The following CSMD1 variants were observed in gnomAD, a reference collection of about 807,000 sequenced individuals.
CSMD1 encodes the protein CUB and Sushi multiple domains 1.
A neutral mutation model predicts 417.5 loss-of-function variants in CSMD1; 213 were observed. The observed-to-expected ratio is 0.51, with a 90% CI of 0.46 to 0.57. The LOEUF is 0.57. Among genes scored for constraint, CSMD1 ranks in the 20% least tolerant of loss-of-function variants. CSMD1 has a pLI of 0.00. For synonymous variants in CSMD1, 2,862 were observed against 1,736.8 expected (o/e 1.65, Z -16.11); for missense variants, 6,923 against 4,529.7 (o/e 1.53, Z -15.17).
At chr8:3,115,596 T>C (rs1422000045) in intron 42 of CSMD1, among the ~76,000 whole-genome samples, 2 of 152,238 alleles carry the variant, frequency 1.3e-5, no homozygotes, top group Admixed American at 6.5e-5. Context: ...CAGATAACTT[T>C]CAGAGACATA....
rs947955953 is a variant in CSMD1, at chr8:3,718,761, G to A, written c.932-10270C>T. Among the ~76,000 whole-genome samples the A allele has an allele frequency of 4.6e-5, 7 of 152,190 alleles. No homozygotes were observed. The East Asian group carries it at 1.2e-3, about 25-fold the overall frequency. On this transcript the variant is annotated intron_variant, in intron 6 of 69. Transcript: ENST00000635120. ...AAAGGCAATTAACTATTCATCTCAC[G>A]TTTCCTTACCAAATCAGGGACCCCA...
rs577388812 is a variant in CSMD1 at position 3,777,952 on chromosome 8, T to C, written c.819-23910A>G. On this transcript the variant is annotated intron_variant, in intron 5 of 69. Coordinates refer to ENST00000635120, the MANE Select transcript of CSMD1 (RefSeq NM_033225.6). ...TGAAGGGCAGAGTCTCAGTTCCCAC[T>C]CCAGACCTGCAGCCTCCTTGAAGTG... 3.8e-3 allele frequency among the ~76,000 whole-genome samples: 578 copies of C among 151,462 alleles called. 1 individual carries two copies. The highest frequency in any genetic ancestry group is 0.031 in the Middle Eastern group (9 of 292).
chr8:3,286,191 G>A (rs990750530), intron 25 of CSMD1, among the ~76,000 whole-genome samples: 17 of 152,098 alleles, frequency 1.1e-4, no homozygotes, highest in South Asian at 4.1e-4. Flanking sequence ...ATTCCATGGC[G>A]TATATGTGCT....
At chr8:3,967,864 C>T (rs1162439516) in intron 5 of CSMD1, among the ~76,000 whole-genome samples, 3 of 151,914 alleles carry the variant, frequency 2.0e-5, no homozygotes, top group South Asian at 2.1e-4. Flanking sequence ...TTCCCTTGCT[C>T]GCTTAAGAAT....
chr8:4,726,003 A>G lies in CSMD1; in HGVS notation c.86-88445T>C, dbSNP rs181365132. Among the ~76,000 whole-genome samples the G allele has an allele frequency of 2.8e-3, 424 of 152,276 alleles. 2 individuals carry two copies. The highest frequency in any genetic ancestry group is 9.3e-3 in the African/African-American group (386 of 41,556). On this transcript the variant is annotated intron_variant, in intron 1 of 69. Coordinates refer to ENST00000635120, the MANE Select transcript of CSMD1 (RefSeq NM_033225.6). ...AATTTTGGTATCACGAACTAGTTGT[A>G]AGAATTTTCTCATAATGGATTTTTC...
At chr8:4,089,605 G>T (rs1015592933) in intron 3 of CSMD1, among the ~76,000 whole-genome samples, 2 of 152,282 alleles carry the variant, frequency 1.3e-5, no homozygotes, top group East Asian at 3.9e-4. Flanking sequence ...GTTAAATGGG[G>T]ATAATAAAAT....
At chr8:3,168,279 C>T (rs10103559) in intron 37 of CSMD1, among the ~76,000 whole-genome samples, 1 of 151,906 alleles carries the variant, frequency 6.6e-6, no homozygotes, top group Non-Finnish European at 1.5e-5. Flanking sequence ...TTTGAAAAGA[C>T]AACAACTTGT....
chr8:3,968,972 C>A (rs1283939617), intron 5 of CSMD1, among the ~76,000 whole-genome samples: 2 of 152,168 alleles, frequency 1.3e-5, no homozygotes, highest in South Asian at 2.1e-4. Flanking sequence ...TAATGCAGGG[C>A]AGGGACAGTG....
intron 49 of CSMD1, among the ~76,000 whole-genome samples, chr8:3,073,097 G>T (rs1030058324): frequency 6.6e-6 from 1 of 152,116 alleles, no homozygotes; most frequent in Non-Finnish European, 1.5e-5. Context: ...TGATGCTAAA[G>T]TTCTTAAATA....
intron 5 of CSMD1, among the ~76,000 whole-genome samples, chr8:3,840,925 T>A (rs1421404993): frequency 6.6e-6 from 1 of 152,162 alleles, no homozygotes; most frequent in African/African-American, 2.4e-5. Context: ...CAGGCTGGTC[T>A]CGAACTCCTG....
chr8:4,558,514 G>A (rs940250575), intron 2 of CSMD1, among the ~76,000 whole-genome samples: 3 of 152,170 alleles, frequency 2.0e-5, no homozygotes, highest in Non-Finnish European at 2.9e-5. Flanking sequence ...ATTCCACTGA[G>A]CTTAAGACAG....
At chr8:4,080,950 C>T (rs1004407966) in intron 3 of CSMD1, among the ~76,000 whole-genome samples, 1 of 152,080 alleles carries the variant, frequency 6.6e-6, no homozygotes, top group African/African-American at 2.4e-5. Context: ...GGGACTCTAC[C>T]CTCCTGAATC....
intron 37 of CSMD1, among the ~76,000 whole-genome samples, chr8:3,162,717 C>CAAA (rs568427997): frequency 4.6e-5 from 6 of 130,510 alleles, no homozygotes; most frequent in African/African-American, 1.4e-4. Flanking sequence ...TGTTCTTCTA[C>CAAA]AAAAAAAAAA....
intron 1 of CSMD1, among the ~76,000 whole-genome samples, chr8:4,788,999 C>G (rs1031493567): frequency 6.6e-5 from 10 of 152,110 alleles, no homozygotes; most frequent in Non-Finnish European, 1.3e-4. Context: ...GGTTAGGACT[C>G]TCAGCCTTGA....
At chr8:4,309,296 G>T (rs546198973) in intron 3 of CSMD1, among the ~76,000 whole-genome samples, 1 of 151,936 alleles carries the variant, frequency 6.6e-6, no homozygotes, top group Admixed American at 6.6e-5. Flanking sequence ...CAATATAATT[G>T]CACTGTCTAT....
At chr8:4,632,208 A>C (rs1154579) in intron 2 of CSMD1, among the ~76,000 whole-genome samples, 1 of 151,908 alleles carries the variant, frequency 6.6e-6, no homozygotes, top group African/African-American at 2.4e-5. Context: ...GAATAATGTA[A>C]TTCAAAATTG....
chr8:3,862,118 T>C (rs771774785), intron 5 of CSMD1, among the ~76,000 whole-genome samples: 1 of 152,196 alleles, frequency 6.6e-6, no homozygotes, highest in Non-Finnish European at 1.5e-5. Flanking sequence ...TTTTCAACTT[T>C]TTAATCTGCC....
At chr8:3,799,945 T>C (rs1449677679) in intron 5 of CSMD1, among the ~76,000 whole-genome samples, 1 of 152,176 alleles carries the variant, frequency 6.6e-6, no homozygotes, top group African/African-American at 2.4e-5. Flanking sequence ...TTATCAATAA[T>C]GGAATAATGA....
chr8:3,334,922 G>A (rs1585015817), intron 23 of CSMD1, among the ~76,000 whole-genome samples: 1 of 152,228 alleles, frequency 6.6e-6, no homozygotes, highest in African/African-American at 2.4e-5. Context: ...CTGTAGCACG[G>A]CTAAGAGCGT....
Sources: gnomAD v4.1 joint callset for allele counts (sites outside exome capture counted in the v4.1 genomes callset) on GRCh38, gnomAD v4.1.1 for gene constraint, MANE v1.5 for transcripts, NCBI Gene and HGNC (gene_info 2026-07-23, HGNC 2026-07-21) for gene names.